Variants in SNX25 observed in about 807,000 individuals in gnomAD.
SNX25 encodes the protein sorting nexin-25.
SNX25 carries 62 observed loss-of-function variants against 113.7 expected under a neutral mutation model. The observed-to-expected ratio is 0.55, with a 90% confidence interval of 0.44 to 0.67. The LOEUF (loss-of-function observed/expected upper bound fraction) is 0.67. Ranked by LOEUF, SNX25 falls within the 30% of genes least tolerant of loss-of-function variation. The pLI is 0.00. For synonymous variants in SNX25, 421 were observed against 436.2 expected (o/e 0.97, Z 0.43); for missense variants, 1,014 against 1,161.0 (o/e 0.87, Z 1.84).
intron 7 of SNX25, 150 bp downstream of exon 7, chr4:185,310,966 T>C: frequency 1.3e-6 from 1 of 793,226 alleles, no homozygotes; most frequent in East Asian, 2.7e-5. Context: ...GTCAAGGAGC[T>C]ACATTCCTTG....
chr4:185,246,842 G>C (rs888739043), intron 1 of SNX25, among the ~76,000 whole-genome samples: 55 of 152,180 alleles, frequency 3.6e-4, no homozygotes, highest in African/African-American at 1.3e-3. Context: ...CTTAAAACAT[G>C]TTTAGCTGTT....
chr4:185,362,195 A>T, intron 17 of SNX25, 90 bp downstream of exon 17: 1 of 1,431,952 alleles, frequency 7.0e-7, no homozygotes, highest in Non-Finnish European at 9.2e-7. Flanking sequence ...CTTGCAGGAA[A>T]CATTCTTTAC....
chr4:185,349,759 TTTGAG>T (rs1460679772), intron 13 of SNX25, among the ~76,000 whole-genome samples: 2 of 152,200 alleles, frequency 1.3e-5, no homozygotes, highest in Admixed American at 6.5e-5. Flanking sequence ...TGTTGAATTG[TTTGAG>T]TTGTTTTCCT....
At chr4:185,320,201 C>G (rs765080000) in intron 7 of SNX25, among the ~76,000 whole-genome samples, 9 of 152,088 alleles carry the variant, frequency 5.9e-5, no homozygotes, top group Non-Finnish European at 1.0e-4. Flanking sequence ...GCACTGTTTA[C>G]AATAGCAAAG....
At chr4:185,262,253 C>G (rs1747431577) in intron 3 of SNX25, among the ~76,000 whole-genome samples, 1 of 152,222 alleles carries the variant, frequency 6.6e-6, no homozygotes, top group African/African-American at 2.4e-5. Flanking sequence ...GGCCATCATT[C>G]TATTGCTGCT....
chr4:185,232,279 T>C lies in SNX25; in HGVS notation c.430-15015T>C, dbSNP rs1047885583. ...ACAAGTCCCCTTGCCCAGTTCCTCA[T>C]TGGTCTAGTACTACGGGGTTACAAT... On this transcript the variant is annotated intron_variant, in intron 1 of 18. Coordinates refer to ENST00000652585, the MANE Select transcript of SNX25 (RefSeq NM_001378034.2). The surrounding 1 kb of genome is among the most constrained non-coding windows in gnomAD (Gnocchi z 4.4). 2.6e-5 allele frequency among the ~76,000 whole-genome samples: 4 copies of C among 152,210 alleles called. No individual in the cohort carries two copies. Among genetic ancestry groups the C allele is most frequent in the Admixed American group, 6.5e-5 (1 of 15,280 alleles).
At chr4:185,207,470 G>A (rs897886341), upstream of SNX25, among the ~76,000 whole-genome samples, 7 of 151,898 alleles carry the variant, frequency 4.6e-5, no homozygotes, top group East Asian at 1.9e-4. Flanking sequence ...CAGCCACCTC[G>A]GCTTCCCAAA....
intron 5 of SNX25, among the ~76,000 whole-genome samples, chr4:185,270,783 G>A (rs1748813883): frequency 6.6e-6 from 1 of 152,206 alleles, no homozygotes; most frequent in Admixed American, 6.5e-5. Flanking sequence ...CATGTAGTAT[G>A]TGGCCTTTTG....
intron 2 of SNX25, among the ~76,000 whole-genome samples, chr4:185,247,884 C>T (rs1388445248): frequency 2.0e-5 from 3 of 151,988 alleles, no homozygotes; most frequent in Non-Finnish European, 2.9e-5. Context: ...AATAAGTGTA[C>T]TTTTAAATAT....
Position 185,221,033 on chromosome 4 carries a change from A to AT in SNX25, c.429+10793dup, listed in dbSNP as rs34885137. 2.1e-3 allele frequency among the ~76,000 whole-genome samples: 292 copies of AT among 141,432 alleles called. 1 individual carries two copies. Among genetic ancestry groups the AT allele is most frequent in the East Asian group, 4.3e-3 (21 of 4,886 alleles). The allele number at this position is 141,432 out of a possible 152,430, so 92.8% of individuals were successfully genotyped here. Reference sequence around the variant, plus strand: ...AGGTGGGTGCCACCACACCCAGCTAATTTTTTTTTTTTTTTCTGAGACAGG... The same window carrying AT: ...AGGTGGGTGCCACCACACCCAGCTAATTTTTTTTTTTTTTTTCTGAGACAGG... On this transcript the variant is annotated intron_variant, in intron 1 of 18. Coordinates refer to ENST00000652585, the MANE Select transcript of SNX25 (RefSeq NM_001378034.2).
At chr4:185,229,677 G>T (rs3108253) in intron 1 of SNX25, among the ~76,000 whole-genome samples, 99,293 of 151,974 alleles carry the variant, frequency 0.65, 32,537 homozygotes, top group East Asian at 0.75. Flanking sequence ...CTGACTAAAC[G>T]CTACAGAAGT....
chr4:185,262,634 T>A (rs766946157), intron 3 of SNX25, among the ~76,000 whole-genome samples: 7 of 152,224 alleles, frequency 4.6e-5, no homozygotes, highest in Non-Finnish European at 7.4e-5. Flanking sequence ...ATCATTCAGA[T>A]CTTAATTTTC....
Position 185,363,407 on chromosome 4 carries a change from T to C in SNX25, c.2957T>C (p.Ile986Thr). 8.1e-6 allele frequency: 13 copies of C among 1,614,166 alleles called. No homozygotes were observed. Among genetic ancestry groups the C allele is most frequent in the Non-Finnish European group, 1.1e-5 (13 of 1,180,008 alleles). ...CAGGCGCTGATGGAACTGCTGCTAA[T>C]TGAACTGTGTCCTGAGCTGAGAGTT... ...LLYALMELLL[I>T]ELCPELRVHL... The change falls in exon 19 of 19, where the codon ATT becomes ACT. Residue 986 changes from isoleucine (I) to threonine (T), a missense_variant. Physicochemically the swap from Ile to Thr is moderately conservative, Grantham distance 89. Transcript: ENST00000652585. This position sits in a 1 kb window ranked among gnomAD's most constrained non-coding sequence, Gnocchi z 4.2.
intron 6 of SNX25, 51 bp from the exon 7 acceptor site, chr4:185,310,584 C>T: frequency 6.5e-7 from 1 of 1,541,144 alleles, no homozygotes; most frequent in Non-Finnish European, 8.8e-7. Context: ...ATTGCTGTGT[C>T]CTTTCATGCC....
intron 6 of SNX25, among the ~76,000 whole-genome samples, chr4:185,302,060 C>T (rs1330435986): frequency 6.7e-6 from 1 of 150,346 alleles, no homozygotes; most frequent in Admixed American, 6.7e-5. Context: ...TCACCACATG[C>T]AGCTAATTTT....
intron 4 of SNX25, among the ~76,000 whole-genome samples, chr4:185,265,716 TG>T (rs1347310975): frequency 6.6e-6 from 1 of 152,254 alleles, no homozygotes; most frequent in African/African-American, 2.4e-5. Context: ...TTGACTCTTT[TG>T]TAATAACATT....
chr4:185,273,035 A>C (rs890500810), intron 5 of SNX25, among the ~76,000 whole-genome samples: 1 of 152,180 alleles, frequency 6.6e-6, no homozygotes, highest in Non-Finnish European at 1.5e-5. Flanking sequence ...CAGTTGCGAC[A>C]AACAAAATGC....
chr4:185,217,237 A>G (rs556112911), intron 1 of SNX25, among the ~76,000 whole-genome samples: 1 of 143,386 alleles, frequency 7.0e-6, no homozygotes, highest in Non-Finnish European at 1.5e-5. Flanking sequence ...TGGGTGATAG[A>G]GTGAGACTGT....
chr4:185,353,233 T>C, intron 14 of SNX25: 1 of 332,964 alleles, frequency 3.0e-6, no homozygotes. Flanking sequence ...TATTGTCTAT[T>C]AATTCACTGA....
Sources: gnomAD v4.1 joint callset for allele counts (sites outside exome capture counted in the v4.1 genomes callset) on GRCh38, gnomAD v4.1.1 for gene constraint, Gnocchi (gnomAD v3.1) non-coding constraint, MANE v1.5 for transcripts, NCBI Gene and HGNC (gene_info 2026-07-23, HGNC 2026-07-21) for gene names.